WDR3: variants seen among roughly 807,000 people sequenced by gnomAD.
WDR3 encodes the protein WD repeat-containing protein 3.
WDR3 carries 81 observed loss-of-function variants against 123.7 expected under a neutral mutation model. The ratio of observed to expected loss-of-function variants is 0.65; its 90% CI spans 0.55 to 0.79. The LOEUF is 0.79. WDR3 is among the 30% of genes least tolerant of loss of function. The pLI, the probability that WDR3 is intolerant of heterozygous loss-of-function variation, is 0.00. For missense variants in WDR3, 1,027 were observed against 1,123.2 expected (o/e 0.91, Z 1.22); for synonymous variants, 390 against 388.8 (o/e 1.00, Z -0.04).
chr1:117,954,421 G>A (rs1469403975), intron 22 of WDR3, among the ~76,000 whole-genome samples, 159 bp from the exon 23 acceptor site: 3 of 152,044 alleles, frequency 2.0e-5, no homozygotes, highest in African/African-American at 7.2e-5. Context: ...GAGTACTATA[G>A]AAACTAACAG....
Position 117,948,385 on chromosome 1 carries a change from C to T in WDR3, c.1423-20C>T, listed in dbSNP as rs1461069260. The T allele has an allele frequency of 6.2e-7, 1 of 1,607,930 alleles. No homozygotes were observed. Among genetic ancestry groups the T allele is most frequent in the Non-Finnish European group, 8.5e-7 (1 of 1,175,052 alleles). On this transcript the variant is annotated intron_variant, in intron 12 of 26. Transcript: ENST00000349139. Reference sequence around the variant, plus strand: ...TGTACGTATGTTCATTGGAGCTGTGCTCATTTTGTGTCTTCCCAGACAGGG... The same window carrying T: ...TGTACGTATGTTCATTGGAGCTGTGTTCATTTTGTGTCTTCCCAGACAGGG...
At chr1:117,933,903 G>GT (rs1650826509) in intron 2 of WDR3, among the ~76,000 whole-genome samples, 2 of 152,214 alleles carry the variant, frequency 1.3e-5, no homozygotes, top group Admixed American at 6.5e-5. Flanking sequence ...TAATGCCCAA[G>GT]TGTTGTTAAA....
chr1:117,935,907 T>C (rs774097385), intron 3 of WDR3, among the ~76,000 whole-genome samples: 1 of 151,962 alleles, frequency 6.6e-6, no homozygotes, highest in Non-Finnish European at 1.5e-5. Context: ...CATTCATCTA[T>C]TAATAACTTA....
At chr1:117,934,804 A>T in intron 3 of WDR3, 122 bp downstream of exon 3, 2 of 932,576 alleles carry the variant, frequency 2.1e-6, no homozygotes, top group Non-Finnish European at 3.2e-6. Context: ...AAGTAGTATA[A>T]TGATAGAGTG....
chr1:117,936,782 T>C lies in WDR3; in HGVS notation c.395T>C (p.Ile132Thr), dbSNP rs1049552129. ...TGATCCCTTTAGGACACAGATATTA[T>C]TGTATGGGATGTGATCAATGAAAGT... Reference protein sequence around the residue: ...LASGSKDTDIIVWDVINESGL... With the variant: ...LASGSKDTDITVWDVINESGL... Residue 132 changes from isoleucine to threonine, a missense_variant, in exon 4 of 27, where the codon ATT becomes ACT. Transcript: ENST00000349139. The C allele has an allele frequency of 2.5e-6, 4 of 1,611,202 alleles. No individual in the cohort carries two copies. Among genetic ancestry groups the C allele is most frequent in the Non-Finnish European group, 3.4e-6 (4 of 1,178,380 alleles).
At position 117,933,566 on chromosome 1, in the gene WDR3, C is replaced by T; in HGVS notation, c.171+76C>T. On this transcript the variant is annotated intron_variant, in intron 2 of 26. Coordinates refer to ENST00000349139, the MANE Select transcript of WDR3 (RefSeq NM_006784.3). Reference sequence around the variant, plus strand: ...GAGAGGTAGTAGAAGTGGGGGGGCTCTGATTTATTTATCATGAGTTTTTTT... The same window carrying T: ...GAGAGGTAGTAGAAGTGGGGGGGCTTTGATTTATTTATCATGAGTTTTTTT... The T allele has an allele frequency of 1.9e-6, 3 of 1,581,702 alleles. No individual in the cohort carries two copies. In the South Asian group the frequency reaches 3.4e-5, roughly 18 times the overall value.
At position 117,960,319 on chromosome 1, in the gene WDR3, G is replaced by A. The variant is rs1652894562; in HGVS notation, c.*872G>A. On this transcript the variant is annotated 3_prime_UTR_variant, in exon 27 of 27. Coordinates refer to ENST00000349139, the MANE Select transcript of WDR3 (RefSeq NM_006784.3). ...GTTATTGACTGGGAGCCTGACTGAT[G>A]TATTATATATATTGTATACTGTATT... 6.6e-6 allele frequency: 1 copy of A among 152,052 alleles called. No individual in the cohort carries two copies. The highest frequency in any genetic ancestry group is 6.5e-5 in the Admixed American group (1 of 15,268). 9.4% of individuals were successfully genotyped at this position (152,052 alleles called of 1,614,324 possible).
At chr1:117,938,739 C>A (rs890698857) in intron 5 of WDR3, among the ~76,000 whole-genome samples, 181 bp downstream of exon 5, 4 of 152,184 alleles carry the variant, frequency 2.6e-5, no homozygotes, top group African/African-American at 4.8e-5. Context: ...GCAGATACTG[C>A]TGCTCTGACA....
At chr1:117,955,276 C>A in intron 23 of WDR3, 39 bp from the exon 24 acceptor site, 1 of 1,571,840 alleles carries the variant, frequency 6.4e-7, no homozygotes, top group Non-Finnish European at 8.7e-7. Context: ...TAGAAACCAA[C>A]CAAGAGTATC....
rs1650843322 is a variant in WDR3, at chr1:117,934,381, C to G, written c.172-92C>G. The G allele has an allele frequency of 9.2e-6, 11 of 1,192,104 alleles. No individual in the cohort carries two copies. In the Admixed American group the frequency reaches 1.1e-4, roughly 12 times the overall value. 73.8% of individuals were successfully genotyped at this position (1,192,104 alleles called of 1,614,324 possible). ...TAAGAGTAATTTGGAATTATTGGTG[C>G]TCTTAATTTTACTGTGCCTGAGTAT... On this transcript the variant is annotated intron_variant, in intron 2 of 26. Coordinates refer to ENST00000349139, the MANE Select transcript of WDR3 (RefSeq NM_006784.3).
rs780499175 is a variant in WDR3, at chr1:117,939,548, A to G, written c.651A>G (p.Val217=). The G allele has an allele frequency of 5.3e-5, 85 of 1,613,592 alleles. No individual in the cohort carries two copies. Among genetic ancestry groups the G allele is most frequent in the Non-Finnish European group, 7.1e-5 (84 of 1,179,662 alleles). ...GGGCCTCAGACAGTGAACTGAGGGT[A>G]TGGGACATAGCTTATCTGCAAGAGG... ...ITGASDSELR[V]WDIAYLQEIE... is the part of the protein sequence containing the mutation. The change falls in exon 6 of 27, where the codon GTA becomes GTG. Residue 217 remains valine (V), a synonymous_variant. Transcript: ENST00000349139.
intron 6 of WDR3, 66 bp from the exon 7 acceptor site, chr1:117,940,761 A>G (rs931625220): frequency 1.4e-6 from 2 of 1,401,732 alleles, no homozygotes; most frequent in African/African-American, 2.9e-5. Context: ...AAACAACAAC[A>G]ACAACAACAA....
Position 117,952,536 on chromosome 1 carries a change from C to T in WDR3, c.2025C>T (p.His675=). 6.2e-7 allele frequency: 1 copy of T among 1,609,926 alleles called. No individual in the cohort carries two copies. ...FEHIQTLEGH[H]QEIWCLAVSP... is the part of the protein sequence containing the mutation. ...TTTTTTTTCTCCTCCAGGGTCATCA[C>T]CAGGAAATATGGTGTTTGGCTGTAA... Residue 675 remains histidine (H), a synonymous_variant, in exon 19 of 27, where the codon CAC becomes CAT. Transcript: ENST00000349139.
At chr1:117,954,465 TA>T in intron 22 of WDR3, 114 bp from the exon 23 acceptor site, 1 of 995,242 alleles carries the variant, frequency 1.0e-6, no homozygotes, top group Non-Finnish European at 1.5e-6. Context: ...GTCAGTTTTT[TA>T]GGGTCTCTTT....
chr1:117,955,491 G>C, intron 24 of WDR3, 133 bp downstream of exon 24: 1 of 784,794 alleles, frequency 1.3e-6, no homozygotes, highest in Middle Eastern at 2.7e-4. Flanking sequence ...AGTTTTGATG[G>C]AAAATAATTT....
intron 24 of WDR3, among the ~76,000 whole-genome samples, chr1:117,955,750 T>C (rs1652106660): frequency 6.6e-6 from 1 of 151,784 alleles, no homozygotes; most frequent in African/African-American, 2.4e-5. Context: ...ATTTGTTTGT[T>C]GTTCATATTC....
intron 16 of WDR3, 31 bp downstream of exon 16, chr1:117,950,921 T>C (rs917125557): frequency 6.4e-7 from 1 of 1,568,524 alleles, no homozygotes. Context: ...CTCAGTAATA[T>C]GTTGTCTTTT....
At chr1:117,953,744 C>T (rs1034307339) in intron 21 of WDR3, 2 of 622,576 alleles carry the variant, frequency 3.2e-6, no homozygotes, top group Non-Finnish European at 5.6e-6. Flanking sequence ...GTGCTCCTTT[C>T]AGGTGTTCCT....
chr1:117,941,165 A>G lies in WDR3; in HGVS notation c.831A>G (p.Glu277=). ...GAAAAGCTGGTTCCATAATGCGGGA[A>G]GGAAGAGACAGAGTTGTAAACCTTG... ...SCRKAGSIMR[E]GRDRVVNLAV... Residue 277 remains glutamate, a synonymous_variant, in exon 8 of 27, where the codon GAA becomes GAG. Coordinates refer to ENST00000349139, the MANE Select transcript of WDR3 (RefSeq NM_006784.3). 6.2e-7 allele frequency: 1 copy of G among 1,614,186 alleles called. No individual in the cohort carries two copies. The highest frequency in any genetic ancestry group is 1.1e-5 in the South Asian group (1 of 91,082).
Sources: allele counts gnomAD v4.1 joint callset (sites outside exome capture counted in the v4.1 genomes callset), GRCh38; gene constraint gnomAD v4.1.1; transcripts MANE v1.5; gene names NCBI Gene and HGNC (gene_info 2026-07-23, HGNC 2026-07-21).